The following CNOT11 variants were observed in gnomAD, a reference collection of about 807,000 sequenced individuals.
The protein encoded by CNOT11 is UPF0760 protein C2orf29.
In CNOT11, 18 loss-of-function variants were observed where a neutral mutation model predicts 44.6. That is an observed-to-expected ratio of 0.40 (90% CI 0.28 to 0.60). CNOT11 has a LOEUF of 0.60. Ranked by LOEUF, CNOT11 falls within the 20% of genes least tolerant of loss-of-function variation. The pLI is 0.38. For missense variants in CNOT11, 513 were observed against 677.0 expected, an observed-to-expected ratio of 0.76 and a Z score of 2.69; for synonymous variants, 291 against 270.9, an observed-to-expected ratio of 1.07 and a Z score of -0.73.
In CNOT11 at chr2:101,253,286, C is replaced by T. The variant is rs1296876089; in HGVS notation, c.322C>T (p.Leu108Phe). ...CGACCACTTCCGCCTGGGCTCGGTG[C>T]TCGTCATGCTGCTCCAGCAGCCCGA... The part of the protein sequence containing the change: ...KADHFRLGSV[L>F]VMLLQQPDLL... Residue 108 changes from leucine to phenylalanine, a missense_variant, in exon 1 of 7, where the codon CTC becomes TTC. By Grantham distance (22) the Leu-to-Phe change is conservative (BLOSUM62 0). Transcript: ENST00000289382. The surrounding 1 kb of genome is among the most constrained non-coding windows in gnomAD (Gnocchi z 4.3). 1.7e-5 allele frequency: 27 copies of T among 1,611,480 alleles called. No homozygotes were observed. The highest frequency in any genetic ancestry group is 2.2e-5 in the South Asian group (2 of 90,978).
chr2:101,259,694 C>T (rs1681809507), intron 2 of CNOT11, among the ~76,000 whole-genome samples: 1 of 152,120 alleles, frequency 6.6e-6, no homozygotes, highest in South Asian at 2.1e-4. Flanking sequence ...TTGCAGTAAA[C>T]AGCTTTTCCT....
At chr2:101,259,772 G>A (rs529105100) in intron 2 of CNOT11, among the ~76,000 whole-genome samples, 11 of 152,212 alleles carry the variant, frequency 7.2e-5, no homozygotes, top group South Asian at 2.1e-4. Context: ...GCACAATGGC[G>A]CATACCTATA....
Position 101,255,411 on chromosome 2 carries a change from C to T in CNOT11, c.514+1933C>T, listed in dbSNP as rs558784526. ...TTGGGAGGCTGAGGCAGGAGAATGG[C>T]GTGAACCTGGGAGGCGGAGCTTGCA... On this transcript the variant is annotated intron_variant, in intron 1 of 6. Transcript: ENST00000289382. Among the ~76,000 whole-genome samples the T allele has an allele frequency of 5.3e-5, 8 of 151,996 alleles. No individual in the cohort carries two copies. The South Asian group carries it at 1.2e-3, about 24-fold the overall frequency.
intron 1 of CNOT11, among the ~76,000 whole-genome samples, chr2:101,257,013 C>T (rs1200709879): frequency 2.0e-5 from 3 of 151,582 alleles, no homozygotes; most frequent in Admixed American, 6.6e-5. Context: ...TGCACCACTG[C>T]ACTCCAGCCT....
intron 1 of CNOT11, among the ~76,000 whole-genome samples, chr2:101,255,715 TG>T (rs1229959571): frequency 1.3e-5 from 2 of 152,162 alleles, no homozygotes; most frequent in African/African-American, 4.8e-5. Flanking sequence ...TGTGTAATGC[TG>T]GGTAGTTAAG....
chr2:101,256,105 C>G (rs1268542558), intron 1 of CNOT11, among the ~76,000 whole-genome samples: 1 of 150,802 alleles, frequency 6.6e-6, no homozygotes, highest in African/African-American at 2.4e-5. Context: ...CGCCACTGCA[C>G]TCCAGCCTGA....
chr2:101,262,436 G>A, intron 2 of CNOT11, 103 bp from the exon 3 acceptor site: 2 of 972,088 alleles, frequency 2.1e-6, no homozygotes, highest in Non-Finnish European at 3.2e-6. Flanking sequence ...CTCTGAATCT[G>A]GCCCTTTGTT....
In CNOT11 at chr2:101,253,953, G is replaced by T. The variant is rs1469429839; in HGVS notation, c.514+475G>T. On this transcript the variant is annotated intron_variant, in intron 1 of 6. Transcript: ENST00000289382. This position sits in a 1 kb window ranked among gnomAD's most constrained non-coding sequence, Gnocchi z 4.3. ...ACTTTGCAGCCGCCTTTCTTAGCCT[G>T]TTAGGGATGGGGGCAGAGGATAGAA... 6.6e-6 allele frequency among the ~76,000 whole-genome samples: 1 copy of T among 152,328 alleles called. No individual in the cohort carries two copies. The highest frequency in any genetic ancestry group is 1.9e-4 in the East Asian group (1 of 5,184).
intron 1 of CNOT11, among the ~76,000 whole-genome samples, chr2:101,254,654 T>TG (rs1681698277): frequency 6.6e-6 from 1 of 151,234 alleles, no homozygotes; most frequent in African/African-American, 2.4e-5. Flanking sequence ...GCCGAAGTGG[T>TG]GGAGGTTGGG....
chr2:101,268,290 G>A (rs1037540550), intron 5 of CNOT11, among the ~76,000 whole-genome samples: 11 of 152,132 alleles, frequency 7.2e-5, no homozygotes, highest in African/African-American at 2.7e-4. Context: ...GATTGACCAC[G>A]CTGAGTGTTC....
chr2:101,260,187 G>A (rs1681822863), intron 2 of CNOT11, among the ~76,000 whole-genome samples: 1 of 152,154 alleles, frequency 6.6e-6, no homozygotes, highest in Non-Finnish European at 1.5e-5. Context: ...GAAATAAAAT[G>A]ATTACTTTTA....
At position 101,252,995 on chromosome 2, in the gene CNOT11, G is replaced by A; in HGVS notation, c.31G>A (p.Gly11Ser). 1.3e-6 allele frequency: 2 copies of A among 1,496,860 alleles called. No homozygotes were observed. The highest frequency in any genetic ancestry group is 2.8e-5 in the East Asian group (1 of 35,176). The allele number at this position is 1,496,860 out of a possible 1,614,324, so 92.7% of individuals were successfully genotyped here. A position where few individuals can be genotyped will look rare whatever the true frequency, so the allele number is the denominator to read the frequency against. Residue 11 changes from glycine (G) to serine (S), a missense_variant, in exon 1 of 7, where the codon GGC (glycine) becomes AGC (serine). Around this residue, in one of 4 missense-constraint regions of CNOT11, gnomAD observed 259 missense variants for 265.7 expected, o/e 0.97. Coordinates refer to ENST00000289382, the MANE Select transcript of CNOT11 (RefSeq NM_017546.5). ...CGGCGGAGGGGCGAGCGCGGCGTCT[G>A]GCCGGCTTCTCACCGCCGCGGAGCA... Reference protein sequence around the residue: MPGGGASAASGRLLTAAEQRG... With the variant: MPGGGASAASSRLLTAAEQRG...
At chr2:101,256,151 T>A (rs1354775564) in intron 1 of CNOT11, among the ~76,000 whole-genome samples, 4 of 130,542 alleles carry the variant, frequency 3.1e-5, no homozygotes, top group African/African-American at 1.2e-4. Context: ...AAAAAAAAAA[T>A]AGTGTAGAAG....
At chr2:101,263,279 CTTTT>C (rs1457506469) in intron 3 of CNOT11, among the ~76,000 whole-genome samples, 1 of 151,542 alleles carries the variant, frequency 6.6e-6, no homozygotes, top group African/African-American at 2.4e-5. Context: ...AGCTCATTAT[CTTTT>C]TGTTTTATAC....
intron 2 of CNOT11, among the ~76,000 whole-genome samples, chr2:101,261,794 A>C (rs1289196186): frequency 6.6e-6 from 1 of 151,288 alleles, no homozygotes; most frequent in Non-Finnish European, 1.5e-5. Context: ...TTTTAAACAA[A>C]ATCCTTATTA....
chr2:101,263,225 A>G (rs1681908762), intron 3 of CNOT11, among the ~76,000 whole-genome samples: 1 of 152,128 alleles, frequency 6.6e-6, no homozygotes, highest in Admixed American at 6.5e-5. Flanking sequence ...AGGAAAAAAA[A>G]AAAATACAGA....
chr2:101,265,716 C>T lies in CNOT11; in HGVS notation c.1035+669C>T, dbSNP rs181945974. Among the ~76,000 whole-genome samples the T allele has an allele frequency of 6.6e-5, 10 of 152,262 alleles. No homozygotes were observed. In the East Asian group the frequency reaches 1.9e-3, roughly 30 times the overall value. On this transcript the variant is annotated intron_variant, in intron 4 of 6. Transcript: ENST00000289382. ...ACGCTTCTGATGGAAAGTGGAGTTA[C>T]TGACAGGCTGTAGGGAGGAAAACAA...
In CNOT11 at chr2:101,253,542, T is replaced by G; in HGVS notation, c.514+64T>G. ...AGATTCCGCAGCTTTCCACCTGCGC[T>G]GCTGGGAACTCACCTGAAAGGGAAA... On this transcript the variant is annotated intron_variant, in intron 1 of 6. Transcript: ENST00000289382. The surrounding 1 kb of genome is among the most constrained non-coding windows in gnomAD (Gnocchi z 4.3). 1.5e-6 allele frequency: 2 copies of G among 1,307,100 alleles called. No homozygotes were observed. The highest frequency in any genetic ancestry group is 2.0e-6 in the Non-Finnish European group (2 of 1,001,880). The allele number at this position is 1,307,100 out of a possible 1,614,324, so 81.0% of individuals were successfully genotyped here.
chr2:101,253,427 C>T lies in CNOT11; in HGVS notation c.463C>T (p.Pro155Ser), dbSNP rs761413493. The part of the protein sequence containing the change: ...FAASFAHLLN[P>S]APPARGGQEP... ...CGCCAGCTTCGCGCACCTGCTCAAC[C>T]CCGCGCCGCCCGCCCGCGGCGGCCA... is the stretch of plus-strand genomic sequence containing the variant. Residue 155 changes from proline to serine, a missense_variant, in exon 1 of 7, where the codon CCC becomes TCC. By Grantham distance (74) the Pro-to-Ser change is moderately conservative (BLOSUM62 -1). Transcript: ENST00000289382. The surrounding 1 kb of genome is among the most constrained non-coding windows in gnomAD (Gnocchi z 4.3). 3 of 1,545,460 alleles carry T rather than the reference C, an allele frequency of 1.9e-6. No homozygotes were observed. The highest frequency in any genetic ancestry group is 1.4e-5 in the African/African-American group (1 of 71,584).
Sources: allele counts gnomAD v4.1 joint callset (sites outside exome capture counted in the v4.1 genomes callset), GRCh38; gene constraint gnomAD v4.1.1; regional missense constraint gnomAD v4.1.1; non-coding constraint Gnocchi (gnomAD v3.1); transcripts MANE v1.5; gene names NCBI Gene and HGNC (gene_info 2026-07-23, HGNC 2026-07-21).